Variants in PIGN observed in about 807,000 individuals in gnomAD.
PIGN encodes the protein phosphatidylinositol glycan anchor biosynthesis class N.
A neutral mutation model predicts 125.4 loss-of-function variants in PIGN; 117 were observed. The ratio of observed to expected loss-of-function variants is 0.93; its 90% CI spans 0.80 to 1.09. The LOEUF (loss-of-function observed/expected upper bound fraction) is 1.09. PIGN is among the 50% of genes least tolerant of loss of function. PIGN has a pLI of 0.00. For missense variants in PIGN, 1,075 were observed against 1,094.9 expected (o/e 0.98, Z 0.26); for synonymous variants, 392 against 377.8 (o/e 1.04, Z -0.44).
At chr18:62,147,511 C>T (rs1391877176) in intron 8 of PIGN, among the ~76,000 whole-genome samples, 1 of 152,066 alleles carries the variant, frequency 6.6e-6, no homozygotes, top group South Asian at 2.1e-4. Context: ...GTTTTGAACA[C>T]ATTATATTTA....
At position 62,138,962 on chromosome 18, in the gene PIGN, CT is replaced by C; in HGVS notation, c.1116+20del. 2 of 1,416,564 alleles carry C rather than the reference CT, an allele frequency of 1.4e-6. No homozygotes were observed. Among genetic ancestry groups the C allele is most frequent in the Non-Finnish European group, 1.9e-6 (2 of 1,033,278 alleles). The allele number at this position is 1,416,564 out of a possible 1,614,324, so 87.7% of individuals were successfully genotyped here. The stretch of plus-strand genomic sequence containing the variant: ...TAGTATTGTCCATTTTTGTGCGTGC[CT>C]TTTTGAATTTTTTTTTTACCTTGAA... On this transcript the variant is annotated intron_variant, in intron 13 of 30. Transcript: ENST00000640252.
intron 26 of PIGN, 105 bp from the exon 27 acceptor site, chr18:62,084,711 T>C: frequency 1.3e-6 from 1 of 784,032 alleles, no homozygotes. Flanking sequence ...ATCTACTTAC[T>C]AAAACACAAG....
At chr18:62,140,381 T>C in intron 12 of PIGN, 39 bp downstream of exon 12, 1 of 941,422 alleles carries the variant, frequency 1.1e-6, no homozygotes, top group Non-Finnish European at 1.6e-6. Flanking sequence ...GATAGTTTTT[T>C]TTTATACTGA....
chr18:62,072,784 C>T, intron 29 of PIGN, 59 bp from the exon 30 acceptor site: 1 of 1,320,212 alleles, frequency 7.6e-7, no homozygotes, highest in Admixed American at 2.3e-5. Flanking sequence ...AGTCTAAAAA[C>T]AAAGCTATTT....
chr18:62,091,054 A>G (rs945953083), intron 23 of PIGN, among the ~76,000 whole-genome samples: 2 of 152,180 alleles, frequency 1.3e-5, no homozygotes, highest in African/African-American at 2.4e-5. Flanking sequence ...TGCCAATATT[A>G]AAACAACAGT....
intron 23 of PIGN, among the ~76,000 whole-genome samples, chr18:62,030,102 T>C (rs1342727006): frequency 6.6e-6 from 1 of 152,190 alleles, no homozygotes; most frequent in Non-Finnish European, 1.5e-5. Flanking sequence ...GCTCCAGCCA[T>C]CAGACTGACA....
At chr18:62,150,012 G>A (rs2036471066) in intron 7 of PIGN, among the ~76,000 whole-genome samples, 1 of 152,142 alleles carries the variant, frequency 6.6e-6, no homozygotes, top group East Asian at 1.9e-4. Context: ...TGTTGAGACA[G>A]TCTCTATCGC....
intron 1 of PIGN, among the ~76,000 whole-genome samples, chr18:62,167,646 A>G (rs1373224465): frequency 3.2e-5 from 1 of 31,300 alleles, no homozygotes. Flanking sequence ...AAAAAAAACA[A>G]AAAAAAAACA....
chr18:62,055,662 A>G (rs1007150345), intron 30 of PIGN, among the ~76,000 whole-genome samples: 10 of 152,168 alleles, frequency 6.6e-5, no homozygotes, highest in African/African-American at 2.4e-4. Context: ...GGTAGAGGGT[A>G]TAGGAGATCT....
intron 3 of PIGN, among the ~76,000 whole-genome samples, chr18:62,161,956 G>A (rs1222666659): frequency 6.6e-6 from 1 of 151,860 alleles, no homozygotes; most frequent in Non-Finnish European, 1.5e-5. Flanking sequence ...CAGGAAACAT[G>A]TATTCTATCA....
At chr18:62,159,059 C>T (rs1050010593) in intron 4 of PIGN, among the ~76,000 whole-genome samples, 6 of 152,166 alleles carry the variant, frequency 3.9e-5, no homozygotes, top group African/African-American at 1.4e-4. Flanking sequence ...GCCTGGTCAA[C>T]ATGGTGAAAC....
intron 14 of PIGN, chr18:62,136,519 T>A (rs1196983425): frequency 6.6e-6 from 1 of 152,210 alleles, no homozygotes; most frequent in African/African-American, 2.4e-5. Context: ...CAGCTAATTT[T>A]TGTATTTTTA....
At chr18:62,107,602 A>G (rs2034702299) in intron 17 of PIGN, 1 of 152,766 alleles carries the variant, frequency 6.5e-6, no homozygotes, top group African/African-American at 2.4e-5. Flanking sequence ...TCAAAAAAAA[A>G]AAAAAGAAAA....
chr18:62,120,434 T>A (rs956980728), intron 14 of PIGN, among the ~76,000 whole-genome samples: 1 of 152,024 alleles, frequency 6.6e-6, no homozygotes, highest in Non-Finnish European at 1.5e-5. Context: ...TGAAAAGAAA[T>A]GTCATATCAT....
intron 26 of PIGN, among the ~76,000 whole-genome samples, chr18:62,084,847 CCTG>C (rs2033619212): frequency 1.3e-5 from 2 of 152,306 alleles, no homozygotes; most frequent in Admixed American, 1.3e-4. Context: ...GTGGCTCACG[CCTG>C]TAATCCCAGC....
At chr18:62,035,569 C>T (rs969342394) in intron 23 of PIGN, among the ~76,000 whole-genome samples, 2 of 152,050 alleles carry the variant, frequency 1.3e-5, no homozygotes, top group African/African-American at 4.8e-5. Context: ...GGTACATGTG[C>T]ACAACCTGCA....
At chr18:62,126,974 C>T (rs2035557211) in intron 14 of PIGN, among the ~76,000 whole-genome samples, 1 of 152,136 alleles carries the variant, frequency 6.6e-6, no homozygotes, top group African/African-American at 2.4e-5. Flanking sequence ...CCTTAAACCC[C>T]TAACTTCCTT....
Position 62,106,882 on chromosome 18 carries a change from C to CTA in PIGN, c.1675-3_1675-2dup, listed in dbSNP as rs774350720. The CTA allele has an allele frequency of 3.1e-6, 5 of 1,603,514 alleles. No individual in the cohort carries two copies. The highest frequency in any genetic ancestry group is 4.3e-6 in the Non-Finnish European group (5 of 1,174,146). ...TATAGCGGTAGAAAAAACTGAGAACCTAGTAATGCATTCCAAAGAAGGAAT... is the reference window on the plus strand; with the variant it reads ...TATAGCGGTAGAAAAAACTGAGAACCTATAGTAATGCATTCCAAAGAAGGAAT... On this transcript the variant is annotated splice_acceptor_variant, in intron 18 of 30. Coordinates refer to ENST00000640252, the MANE Select transcript of PIGN (RefSeq NM_176787.5). LOFTEE classifies it high-confidence loss of function.
intron 30 of PIGN, among the ~76,000 whole-genome samples, chr18:62,056,554 G>A (rs1365906959): frequency 1.3e-5 from 2 of 151,522 alleles, no homozygotes; most frequent in African/African-American, 4.9e-5. Flanking sequence ...GTGATCGCAA[G>A]AGAAGTGCCT....
Sources: allele counts gnomAD v4.1 joint callset (sites outside exome capture counted in the v4.1 genomes callset), GRCh38; gene constraint gnomAD v4.1.1; transcripts MANE v1.5; gene names NCBI Gene and HGNC (gene_info 2026-07-23, HGNC 2026-07-21).